MBD5: variants seen among roughly 807,000 people sequenced by gnomAD.
The protein encoded by MBD5 is methyl-CpG binding domain protein 5, also known as methyl-CpG-binding domain protein 5.
MBD5 carries 13 observed loss-of-function variants against 117.3 expected under a neutral mutation model. The observed-to-expected ratio is 0.11, with a 90% CI of 0.07 to 0.18. The LOEUF is 0.18. Among genes scored for constraint, MBD5 ranks in the 10% least tolerant of loss-of-function variants. MBD5 has a pLI of 1.00. For missense variants in MBD5, 1,879 were observed against 2,093.8 expected (o/e 0.90, Z 2.00); for synonymous variants, 727 against 766.4 (o/e 0.95, Z 0.85).
intron 4 of MBD5, among the ~76,000 whole-genome samples, chr2:148,452,092 A>G (rs535249384): frequency 6.6e-6 from 1 of 152,292 alleles, no homozygotes; most frequent in Non-Finnish European, 1.5e-5. Flanking sequence ...TTAATCATTT[A>G]ATTATTCAGA....
chr2:148,226,083 C>T lies in MBD5; in HGVS notation c.-830-7162C>T, dbSNP rs186660225. On this transcript the variant is annotated intron_variant, in intron 2 of 13. Transcript: ENST00000642680. ...TACCTTCTCTTCAAGGCCAATAACTCGTAGATTTGCCATTTTGAGGCTATT... is the reference window on the plus strand; with the variant it reads ...TACCTTCTCTTCAAGGCCAATAACTTGTAGATTTGCCATTTTGAGGCTATT... Among the ~76,000 whole-genome samples the T allele has an allele frequency of 9.6e-4, 145 of 151,678 alleles. 2 individuals are homozygous for T. Among genetic ancestry groups the T allele is most frequent in the African/African-American group, 3.3e-3 (136 of 41,390 alleles).
Position 148,178,611 on chromosome 2 carries a change from A to C in MBD5, c.-924-89A>C, listed in dbSNP as rs12465610. 136,903 of 388,598 alleles carry C rather than the reference A, an allele frequency of 0.35. 25,987 individuals are homozygous for C. The highest frequency in any genetic ancestry group is 0.45 in the Middle Eastern group (681 of 1,522). The allele number at this position is 388,598 out of a possible 1,614,324, so 24.1% of individuals were successfully genotyped here. On this transcript the variant is annotated intron_variant, in intron 1 of 13. Coordinates refer to ENST00000642680, the MANE Select transcript of MBD5 (RefSeq NM_001378120.1). The stretch of plus-strand genomic sequence containing the variant: ...CCAGGCTTATTATATAAAGTCATGA[A>C]GAATAATTTCAATTTTTTTATATTT...
At position 148,469,597 on chromosome 2, in the gene MBD5, A is replaced by G; in HGVS notation, c.1654A>G (p.Lys552Glu). ...TGCATCTGCCGGAAGTAGTTCTGTA[A>G]AGAGTCAGCCTGGTTTGCTGGGAAT... is the stretch of plus-strand genomic sequence containing the variant. ...PTASAGSSSV[K>E]SQPGLLGMPL... is the part of the protein sequence containing the mutation. Residue 552 changes from lysine (K) to glutamate (E), a missense_variant, in exon 8 of 14, where the codon AAG (lysine) becomes GAG (glutamate). By Grantham distance (56) the Lys-to-Glu change is moderately conservative (BLOSUM62 1). Around this residue, in one of 4 missense-constraint regions of MBD5, gnomAD observed 1,666 missense variants for 1,792.2 expected, o/e 0.93. Transcript: ENST00000642680. The G allele has an allele frequency of 6.2e-7, 1 of 1,613,904 alleles. No homozygotes were observed. Among genetic ancestry groups the G allele is most frequent in the Non-Finnish European group, 8.5e-7 (1 of 1,179,910 alleles).
chr2:148,163,607 G>T lies in MBD5; in HGVS notation c.-924-15093G>T, dbSNP rs1179994835. On this transcript the variant is annotated intron_variant, in intron 1 of 13. Coordinates refer to ENST00000642680, the MANE Select transcript of MBD5 (RefSeq NM_001378120.1). Reference sequence around the variant, plus strand: ...ATTTTGTATTTGTAGTACAGATGGGGTTTCTCCATGTTGGTCAGGCTGGTC... The same window carrying T: ...ATTTTGTATTTGTAGTACAGATGGGTTTTCTCCATGTTGGTCAGGCTGGTC... Among the ~76,000 whole-genome samples, 3 of 152,042 alleles carry T rather than the reference G, an allele frequency of 2.0e-5. No homozygotes were observed. The East Asian group carries it at 5.8e-4, about 29-fold the overall frequency.
chr2:148,362,706 C>T (rs1276045088), intron 4 of MBD5, among the ~76,000 whole-genome samples: 1 of 152,206 alleles, frequency 6.6e-6, no homozygotes, highest in Non-Finnish European at 1.5e-5. Flanking sequence ...CACTTCCCAG[C>T]AGGGGTCGAC....
chr2:148,165,229 A>G (rs1031808661), intron 1 of MBD5, among the ~76,000 whole-genome samples: 1 of 152,154 alleles, frequency 6.6e-6, no homozygotes, highest in African/African-American at 2.4e-5. Context: ...TGTGGTAGAA[A>G]AATTATTTGA....
At chr2:148,195,757 C>T (rs1034790101) in intron 2 of MBD5, among the ~76,000 whole-genome samples, 3 of 151,980 alleles carry the variant, frequency 2.0e-5, no homozygotes, top group African/African-American at 7.3e-5. Flanking sequence ...GAAAACCTCT[C>T]GATATTTGGA....
chr2:148,440,380 C>G (rs905602581), intron 4 of MBD5, among the ~76,000 whole-genome samples: 1 of 152,144 alleles, frequency 6.6e-6, no homozygotes, highest in Admixed American at 6.5e-5. Flanking sequence ...GTGCCAGGCA[C>G]TTTTCTAGGC....
chr2:148,142,583 A>T (rs1374997115), intron 1 of MBD5, among the ~76,000 whole-genome samples: 1 of 152,168 alleles, frequency 6.6e-6, no homozygotes, highest in African/African-American at 2.4e-5. Flanking sequence ...GGAGAATGTG[A>T]TTCAGTGAGA....
intron 3 of MBD5, among the ~76,000 whole-genome samples, chr2:148,324,353 G>T (rs1456359915): frequency 2.6e-5 from 4 of 152,158 alleles, no homozygotes; most frequent in African/African-American, 2.4e-5. Flanking sequence ...CTTTAAAGTA[G>T]TTTTTTCCAA....
At chr2:148,350,936 C>T (rs1703234238) in intron 4 of MBD5, among the ~76,000 whole-genome samples, 3 of 151,964 alleles carry the variant, frequency 2.0e-5, no homozygotes. Flanking sequence ...CCACAACTGA[C>T]AATATTGTGA....
chr2:148,404,564 T>C (rs559466225), intron 4 of MBD5, among the ~76,000 whole-genome samples: 1 of 152,290 alleles, frequency 6.6e-6, no homozygotes, highest in South Asian at 2.1e-4. Flanking sequence ...TTCCTCTACT[T>C]AGGATTTCTG....
At chr2:148,373,263 T>C (rs1309032500) in intron 4 of MBD5, among the ~76,000 whole-genome samples, 6 of 152,130 alleles carry the variant, frequency 3.9e-5, no homozygotes, top group African/African-American at 7.2e-5. Context: ...TTTATTTAAA[T>C]TTTATTTCCA....
In MBD5 at chr2:148,469,789, G is replaced by A; in HGVS notation, c.1846G>A (p.Gly616Arg). The A allele has an allele frequency of 6.2e-7, 1 of 1,613,948 alleles. No homozygotes were observed. The highest frequency in any genetic ancestry group is 1.1e-5 in the South Asian group (1 of 91,080). ...GAVAGSGNTE[G>R]HSTLNTMFPP... ...TGTTGCCGGCAGTGGCAACACTGAA[G>A]GACATAGCACTTTAAACACCATGTT... Residue 616 changes from glycine (G) to arginine (R), a missense_variant, in exon 8 of 14, where the codon GGA (glycine) becomes AGA (arginine). Transcript: ENST00000642680.
chr2:148,446,602 CTGTG>C lies in MBD5; in HGVS notation c.-556-11575_-556-11572del, dbSNP rs1185100489. The stretch of plus-strand genomic sequence containing the variant: ...TTAATTTACATACCAGATTATTTAT[CTGTG>C]TGTGTGTGTGTGTGTGTGTGTGTGT... On this transcript the variant is annotated intron_variant, in intron 4 of 13. Coordinates refer to ENST00000642680, the MANE Select transcript of MBD5 (RefSeq NM_001378120.1). 9.4e-5 allele frequency among the ~76,000 whole-genome samples: 14 copies of C among 148,782 alleles called. No homozygotes were observed. In the East Asian group the frequency reaches 9.9e-4, roughly 10 times the overall value.
chr2:148,313,754 C>T (rs1490115033), intron 3 of MBD5, among the ~76,000 whole-genome samples: 8 of 152,168 alleles, frequency 5.3e-5, no homozygotes, highest in African/African-American at 1.9e-4. Context: ...GCTTGAAACC[C>T]AGGGCCCTAG....
chr2:148,175,053 A>G (rs989695795), intron 1 of MBD5, among the ~76,000 whole-genome samples: 5 of 152,182 alleles, frequency 3.3e-5, no homozygotes, highest in Non-Finnish European at 5.9e-5. Flanking sequence ...AACTAAGATG[A>G]TGAATGGATA....
chr2:148,454,927 C>T (rs1706837976), intron 4 of MBD5, among the ~76,000 whole-genome samples: 1 of 152,048 alleles, frequency 6.6e-6, no homozygotes, highest in African/African-American at 2.4e-5. Flanking sequence ...TGCATTGAAT[C>T]TGTAGATTGC....
intron 8 of MBD5, among the ~76,000 whole-genome samples, chr2:148,475,046 G>A (rs1020002907): frequency 1.3e-5 from 2 of 152,138 alleles, no homozygotes; most frequent in Non-Finnish European, 2.9e-5. Flanking sequence ...GGAGATGAGA[G>A]ATTTGTATAG....
Sources: allele counts gnomAD v4.1 joint callset (sites outside exome capture counted in the v4.1 genomes callset), GRCh38; gene constraint gnomAD v4.1.1; regional missense constraint gnomAD v4.1.1; transcripts MANE v1.5; gene names NCBI Gene and HGNC (gene_info 2026-07-23, HGNC 2026-07-21).